PABPC4L: variants seen among roughly 807,000 people sequenced by gnomAD.
PABPC4L encodes polyadenylate-binding protein 4-like.
For synonymous variants in PABPC4L, 169 were observed against 164.1 expected (o/e 1.03, Z -0.23); for missense variants, 452 against 451.4 (o/e 1.00, Z -0.01).
the PABPC4L span, among the ~76,000 whole-genome samples, chr4:133,972,849 G>A: frequency 6.6e-5 from 10 of 152,078 alleles, no homozygotes; most frequent in Non-Finnish European, 1.2e-4. Context: ...CATTGTTGTA[G>A]GTCTCATATA....
At chr4:133,964,954 G>GA in the PABPC4L span, among the ~76,000 whole-genome samples, 1 of 152,174 alleles carries the variant, frequency 6.6e-6, no homozygotes, top group East Asian at 1.9e-4. Context: ...CTTAGTACTG[G>GA]AAGTCCTAGC....
the PABPC4L span, among the ~76,000 whole-genome samples, chr4:133,968,213 C>A: frequency 6.6e-6 from 1 of 152,162 alleles, no homozygotes; most frequent in East Asian, 1.9e-4. Context: ...TCCAAATTCA[C>A]CACCTCAGAA....
the PABPC4L span, among the ~76,000 whole-genome samples, chr4:134,065,767 T>A: frequency 6.6e-6 from 1 of 152,152 alleles, no homozygotes; most frequent in African/African-American, 2.4e-5. Flanking sequence ...CATTTAAGTC[T>A]TTAGTCCATC....
At chr4:133,982,058 A>G in the PABPC4L span, among the ~76,000 whole-genome samples, 10 of 152,046 alleles carry the variant, frequency 6.6e-5, no homozygotes, top group African/African-American at 2.2e-4. Context: ...CAGAGATACT[A>G]ATAATATTGA....
the PABPC4L span, among the ~76,000 whole-genome samples, chr4:134,134,292 T>C: frequency 6.6e-6 from 1 of 152,084 alleles, no homozygotes; most frequent in Admixed American, 6.6e-5. Context: ...AATTTTAGTC[T>C]GATTTCCAAA....
the PABPC4L span, among the ~76,000 whole-genome samples, chr4:134,028,453 A>G: frequency 7.7e-6 from 1 of 129,060 alleles, no homozygotes. Flanking sequence ...TTTTTTTTTG[A>G]TATTTTTGTC....
the PABPC4L span, among the ~76,000 whole-genome samples, chr4:133,963,623 T>C: frequency 6.6e-6 from 1 of 152,006 alleles, no homozygotes; most frequent in East Asian, 1.9e-4. Flanking sequence ...TTAAGAAAAC[T>C]GAAATTATTT....
chr4:134,052,119 G>T, the PABPC4L span, among the ~76,000 whole-genome samples: 10 of 152,022 alleles, frequency 6.6e-5, no homozygotes, highest in African/African-American at 2.2e-4. Context: ...AAGAGCCTGG[G>T]AATGTCCCCT....
the PABPC4L span, among the ~76,000 whole-genome samples, chr4:134,002,924 A>T: frequency 6.6e-6 from 1 of 151,794 alleles, no homozygotes; most frequent in Non-Finnish European, 1.5e-5. Context: ...GAACATGAGG[A>T]GTCTATTGTT....
the PABPC4L span, among the ~76,000 whole-genome samples, chr4:133,963,202 G>T: frequency 2.2e-4 from 34 of 152,152 alleles, no homozygotes; most frequent in African/African-American, 7.9e-4. Context: ...TTTTATATCA[G>T]ACAAAACAAA....
chr4:134,070,451 G>A, the PABPC4L span, among the ~76,000 whole-genome samples: 3 of 152,100 alleles, frequency 2.0e-5, no homozygotes, highest in Non-Finnish European at 2.9e-5. Context: ...CCTTGTGTCA[G>A]ATTAAGGCAG....
chr4:134,051,844 AG>A, the PABPC4L span, among the ~76,000 whole-genome samples: 14 of 152,264 alleles, frequency 9.2e-5, no homozygotes, highest in African/African-American at 3.4e-4. Context: ...TAATGAACCT[AG>A]AACAATGCTT....
chr4:134,038,056 C>A, the PABPC4L span, among the ~76,000 whole-genome samples: 1 of 152,034 alleles, frequency 6.6e-6, no homozygotes, highest in Non-Finnish European at 1.5e-5. Flanking sequence ...TTTTGAAGGT[C>A]TTTTCTGCAT....
At chr4:133,992,014 C>A in the PABPC4L span, among the ~76,000 whole-genome samples, 1 of 152,056 alleles carries the variant, frequency 6.6e-6, no homozygotes, top group African/African-American at 2.4e-5. Flanking sequence ...TATGATATGT[C>A]CCATGCCAGG....
chr4:133,987,857 G>A, the PABPC4L span, among the ~76,000 whole-genome samples: 3 of 152,172 alleles, frequency 2.0e-5, no homozygotes, highest in African/African-American at 7.2e-5. Context: ...CTGAGTCTGA[G>A]TAATTTACAG....
At chr4:133,962,650 GT>G in the PABPC4L span, among the ~76,000 whole-genome samples, 1 of 152,284 alleles carries the variant, frequency 6.6e-6, no homozygotes, top group South Asian at 2.1e-4. Flanking sequence ...TAAAGCTAGA[GT>G]TTCTAGCTTG....
At chr4:134,180,389 T>C in the PABPC4L span, among the ~76,000 whole-genome samples, 1 of 151,828 alleles carries the variant, frequency 6.6e-6, no homozygotes. Flanking sequence ...AAAGCCAAAG[T>C]AGTTTTAAGA....
At chr4:134,040,498 T>C in the PABPC4L span, among the ~76,000 whole-genome samples, 1 of 152,160 alleles carries the variant, frequency 6.6e-6, no homozygotes, top group Non-Finnish European at 1.5e-5. Context: ...ATTTAATAAA[T>C]GCTGTTGAGA....
the PABPC4L span, among the ~76,000 whole-genome samples, chr4:134,130,581 T>A: frequency 4.1e-4 from 63 of 152,202 alleles, no homozygotes; most frequent in East Asian, 0.011. Flanking sequence ...GAGAGATTCA[T>A]AGCTGAATTC....
Sources: gnomAD v4.1 joint callset for allele counts (sites outside exome capture counted in the v4.1 genomes callset) on GRCh38, gnomAD v4.1.1 for gene constraint, MANE v1.5 for transcripts, NCBI Gene and HGNC (gene_info 2026-07-23, HGNC 2026-07-21) for gene names.